Variants in CFAP20DC observed in about 807,000 individuals in gnomAD.
CFAP20DC encodes protein CFAP20DC.
A neutral mutation model predicts 101.7 loss-of-function variants in CFAP20DC; 84 were observed. The observed-to-expected ratio is 0.83, with a 90% CI of 0.69 to 0.99. CFAP20DC has a LOEUF of 0.99. Among genes scored for constraint, CFAP20DC ranks in the 50% least tolerant of loss-of-function variants. The pLI is 0.00. For missense variants in CFAP20DC, 1,007 were observed against 970.3 expected (o/e 1.04, Z -0.50); for synonymous variants, 359 against 351.2 (o/e 1.02, Z -0.25).
chr3:58,980,727 T>C (rs1181576796), intron 4 of CFAP20DC, among the ~76,000 whole-genome samples: 1 of 152,224 alleles, frequency 6.6e-6, no homozygotes, highest in Non-Finnish European at 1.5e-5. Context: ...GAGCCATCTA[T>C]GACAAACCCA....
At chr3:58,794,364 A>G (rs1305587759) in intron 15 of CFAP20DC, 2 of 455,764 alleles carry the variant, frequency 4.4e-6, no homozygotes, top group Non-Finnish European at 8.8e-6. Context: ...AAGAGTCAAC[A>G]GAACAATAAT....
chr3:58,923,882 T>A (rs2085661086), intron 5 of CFAP20DC, among the ~76,000 whole-genome samples: 1 of 152,174 alleles, frequency 6.6e-6, no homozygotes. Context: ...CTAGACTGTG[T>A]GATACTGTTT....
At chr3:59,023,580 G>A (rs2093842026) in intron 4 of CFAP20DC, among the ~76,000 whole-genome samples, 1 of 152,010 alleles carries the variant, frequency 6.6e-6, no homozygotes, top group Admixed American at 6.6e-5. Context: ...GAATTATGGA[G>A]AGAGAGGTGC....
In CFAP20DC at chr3:58,913,085, G is replaced by A. The variant is rs1412262995; in HGVS notation, c.550+623C>T. On this transcript the variant is annotated intron_variant, in intron 6 of 16. Transcript: ENST00000482387. This position sits in a 1 kb window ranked among gnomAD's most constrained non-coding sequence, Gnocchi z 4.4. ...CAGGACAGAAACAGCCACACCAAAC[G>A]TTTTCAGTGGAGACAAACATGAAGA... 2.0e-5 allele frequency among the ~76,000 whole-genome samples: 3 copies of A among 152,108 alleles called. No homozygotes were observed. The highest frequency in any genetic ancestry group is 2.9e-5 in the Non-Finnish European group (2 of 68,014).
intron 14 of CFAP20DC, among the ~76,000 whole-genome samples, chr3:58,823,543 A>G (rs1267036416): frequency 3.9e-5 from 6 of 152,258 alleles, no homozygotes; most frequent in Non-Finnish European, 5.9e-5. Context: ...AATAAATAGG[A>G]TGAACAACTA....
chr3:58,975,708 C>T (rs1260769473), intron 4 of CFAP20DC, among the ~76,000 whole-genome samples: 2 of 152,126 alleles, frequency 1.3e-5, no homozygotes, highest in Admixed American at 6.6e-5. Context: ...ATTTCTTTTA[C>T]TGCTTTTTCT....
intron 13 of CFAP20DC, among the ~76,000 whole-genome samples, chr3:58,842,879 G>T (rs942457585): frequency 1.1e-4 from 17 of 152,280 alleles, no homozygotes; most frequent in African/African-American, 3.6e-4. Context: ...AGCCTAACTG[G>T]GAGGCAACCC....
intron 15 of CFAP20DC, among the ~76,000 whole-genome samples, chr3:58,770,979 T>C (rs982012738): frequency 2.0e-5 from 3 of 152,144 alleles, no homozygotes; most frequent in African/African-American, 7.2e-5. Flanking sequence ...CTATTCACAA[T>C]AGCAAAGACT....
chr3:58,761,273 T>A (rs532308200), intron 15 of CFAP20DC, among the ~76,000 whole-genome samples: 1 of 152,310 alleles, frequency 6.6e-6, no homozygotes, highest in South Asian at 2.1e-4. Context: ...GGAGGGTGTA[T>A]GTGTCGAGGA....
chr3:58,940,815 T>C lies in CFAP20DC; in HGVS notation c.279-3053A>G, dbSNP rs570812100. On this transcript the variant is annotated intron_variant, in intron 4 of 16. Coordinates refer to ENST00000482387, the MANE Select transcript of CFAP20DC (RefSeq NM_001394063.1). The stretch of plus-strand genomic sequence containing the variant: ...TTTATCATTTTCTATTAAAAAGAAG[T>C]GTTGAGAGTTTAACTTGGATTGTGT... Among the ~76,000 whole-genome samples, 6 of 152,334 alleles carry C rather than the reference T, an allele frequency of 3.9e-5. No homozygotes were observed. In the South Asian group the frequency reaches 1.2e-3, roughly 32 times the overall value.
rs567998561 is a variant in CFAP20DC at position 58,910,528 on chromosome 3, G to A, written c.550+3180C>T. On this transcript the variant is annotated intron_variant, in intron 6 of 16. Transcript: ENST00000482387. ...CATAAATTGTATTTTTTTAAATTGTGGAAGTTTAAAGGATCTTCTCTTTAT... is the reference window on the plus strand; with the variant it reads ...CATAAATTGTATTTTTTTAAATTGTAGAAGTTTAAAGGATCTTCTCTTTAT... Among the ~76,000 whole-genome samples the A allele has an allele frequency of 2.4e-4, 37 of 152,022 alleles. No individual in the cohort carries two copies. In the Middle Eastern group the frequency reaches 0.014, roughly 56 times the overall value.
At chr3:59,032,637 T>A (rs2094018256) in intron 4 of CFAP20DC, among the ~76,000 whole-genome samples, 1 of 152,214 alleles carries the variant, frequency 6.6e-6, no homozygotes, top group Non-Finnish European at 1.5e-5. Context: ...GTAGCCAGAC[T>A]GCCTCTCCAG....
chr3:58,920,776 G>A (rs2085279296), intron 5 of CFAP20DC, among the ~76,000 whole-genome samples: 1 of 152,074 alleles, frequency 6.6e-6, no homozygotes, highest in African/African-American at 2.4e-5. Flanking sequence ...ATCTTTGTCT[G>A]ATTTTGTATC....
intron 4 of CFAP20DC, among the ~76,000 whole-genome samples, chr3:59,024,526 G>A (rs142239111): frequency 6.6e-6 from 1 of 152,168 alleles, no homozygotes; most frequent in East Asian, 1.9e-4. Flanking sequence ...TGTAAGATAT[G>A]TTTGTAATTT....
At chr3:58,937,295 C>G (rs2087837387) in intron 5 of CFAP20DC, among the ~76,000 whole-genome samples, 1 of 152,172 alleles carries the variant, frequency 6.6e-6, no homozygotes, top group African/African-American at 2.4e-5. Context: ...TCCTATCTCT[C>G]CCTGTTGAAA....
Position 58,897,388 on chromosome 3 carries a change from G to A in CFAP20DC, c.551-12679C>T, listed in dbSNP as rs914610290. Among the ~76,000 whole-genome samples the A allele has an allele frequency of 2.0e-5, 3 of 152,272 alleles. No homozygotes were observed. Among genetic ancestry groups the A allele is most frequent in the East Asian group, 3.9e-4 (2 of 5,176 alleles). ...TTACATCTAAGGTTAGTATTGTTAC[G>A]TGGGAATTTGATCCTGTCAACATGA... On this transcript the variant is annotated intron_variant, in intron 6 of 16. Coordinates refer to ENST00000482387, the MANE Select transcript of CFAP20DC (RefSeq NM_001394063.1). This position sits in a 1 kb window ranked among gnomAD's most constrained non-coding sequence, Gnocchi z 4.4.
At chr3:58,758,457 T>C (rs1165816939) in intron 15 of CFAP20DC, among the ~76,000 whole-genome samples, 2 of 152,154 alleles carry the variant, frequency 1.3e-5, no homozygotes, top group Non-Finnish European at 2.9e-5. Flanking sequence ...CTACTCCTGC[T>C]TGCTGTTCCA....
At chr3:58,838,832 T>A (rs192641416) in intron 13 of CFAP20DC, among the ~76,000 whole-genome samples, 254 of 152,328 alleles carry the variant, frequency 1.7e-3, no homozygotes, top group Non-Finnish European at 3.1e-3. Flanking sequence ...AACAATTAAC[T>A]ATACACTAGA....
rs1263176147 is a variant in CFAP20DC, at chr3:59,014,019, C to T, written c.278+25538G>A. ...CTGTCTTCTACTTCTTGCCACTAAA[C>T]AACATATCAGCTTGCTTTTCTACTG... On this transcript the variant is annotated intron_variant, in intron 4 of 16. Transcript: ENST00000482387. The surrounding 1 kb of genome is among the most constrained non-coding windows in gnomAD (Gnocchi z 4.9). Among the ~76,000 whole-genome samples, 2 of 152,152 alleles carry T rather than the reference C, an allele frequency of 1.3e-5. No individual in the cohort carries two copies. Among genetic ancestry groups the T allele is most frequent in the African/African-American group, 4.8e-5 (2 of 41,444 alleles).
Sources: allele counts gnomAD v4.1 joint callset (sites outside exome capture counted in the v4.1 genomes callset), GRCh38; gene constraint gnomAD v4.1.1; non-coding constraint Gnocchi (gnomAD v3.1); transcripts MANE v1.5; gene names NCBI Gene and HGNC (gene_info 2026-07-23, HGNC 2026-07-21).